Variants in STAMBPL1 observed in about 807,000 individuals in gnomAD.
STAMBPL1 encodes the protein STAM binding protein like 1.
A neutral mutation model predicts 52.9 loss-of-function variants in STAMBPL1; 44 were observed. The observed-to-expected ratio is 0.83, with a 90% confidence interval of 0.65 to 1.07. The LOEUF (loss-of-function observed/expected upper bound fraction) is 1.07. Among genes scored for constraint, STAMBPL1 ranks in the 50% least tolerant of loss-of-function variants. The pLI is 0.00. For synonymous variants in STAMBPL1, 164 were observed against 177.3 expected (o/e 0.92, Z 0.60); for missense variants, 511 against 520.8 (o/e 0.98, Z 0.18).
Position 88,913,091 on chromosome 10 carries a change from C to T in STAMBPL1, c.421-10C>T, listed in dbSNP as rs368939795. ...AACTAACCTTCTCTTCTGGCTGCCA[C>T]ACTTTTTAGAACAAATATAAAGCTG... On this transcript the variant is annotated splice_polypyrimidine_tract_variant and intron_variant, in intron 5 of 10. Coordinates refer to ENST00000371926, the MANE Select transcript of STAMBPL1 (RefSeq NM_020799.4). 4 of 1,562,182 alleles carry T rather than the reference C, an allele frequency of 2.6e-6. No individual in the cohort carries two copies. Among genetic ancestry groups the T allele is most frequent in the African/African-American group, 1.4e-5 (1 of 72,866 alleles).
Position 88,901,807 on chromosome 10 carries a change from T to A in STAMBPL1, c.30+69T>A, listed in dbSNP as rs574823553. On this transcript the variant is annotated intron_variant, in intron 2 of 10. Transcript: ENST00000371926. The stretch of plus-strand genomic sequence containing the variant: ...AAAAAGAAGAACAGAAACATACAAA[T>A]GTGAAATGAGTCACAATTACTTTAA... 4.0e-5 allele frequency: 59 copies of A among 1,461,968 alleles called. No individual in the cohort carries two copies. In the East Asian group the frequency reaches 1.1e-3, roughly 27 times the overall value. The allele number at this position is 1,461,968 out of a possible 1,614,324, so 90.6% of individuals were successfully genotyped here.
At chr10:88,892,322 G>T (rs1027524092) in intron 1 of STAMBPL1, among the ~76,000 whole-genome samples, 2 of 149,836 alleles carry the variant, frequency 1.3e-5, no homozygotes, top group African/African-American at 5.0e-5. Context: ...AATCTGTGGG[G>T]TTTGTGTATG....
At chr10:88,901,628 T>G in intron 1 of STAMBPL1, 28 bp from the exon 2 acceptor site, 1 of 1,489,530 alleles carries the variant, frequency 6.7e-7, no homozygotes, top group South Asian at 1.2e-5. Flanking sequence ...AAAAATAACT[T>G]TAGTTCTGCT....
At chr10:88,889,170 C>T (rs1844616148) in intron 1 of STAMBPL1, among the ~76,000 whole-genome samples, 1 of 152,052 alleles carries the variant, frequency 6.6e-6, no homozygotes, top group East Asian at 1.9e-4. Flanking sequence ...TTTAAGTATT[C>T]CTCTTTTGAT....
intron 2 of STAMBPL1, among the ~76,000 whole-genome samples, chr10:88,902,457 A>C (rs1053666516): frequency 6.6e-6 from 1 of 152,222 alleles, no homozygotes; most frequent in Non-Finnish European, 1.5e-5. Context: ...ACCTTGTAGG[A>C]GTAGCCCCAT....
intron 6 of STAMBPL1, 146 bp downstream of exon 6, chr10:88,913,604 T>G: frequency 1.5e-6 from 1 of 680,546 alleles, no homozygotes; most frequent in South Asian, 2.2e-5. Flanking sequence ...GAATTAACCT[T>G]TCAATACTCT....
intron 2 of STAMBPL1, among the ~76,000 whole-genome samples, chr10:88,903,978 A>T (rs1845011406): frequency 6.6e-6 from 1 of 152,232 alleles, no homozygotes; most frequent in Non-Finnish European, 1.5e-5. Flanking sequence ...AGTAGACCAG[A>T]TGGCATTGGA....
In STAMBPL1 at chr10:88,916,821, C is replaced by A. The variant is rs371219050; in HGVS notation, c.1041+4C>A. On this transcript the variant is annotated splice_donor_region_variant and intron_variant, in intron 8 of 10. Transcript: ENST00000371926. ...CCTCACTCTAGGATGGATCCATGTA[C>A]GTTTGACCTTTTGGGTTTCAGTTTT... 6.4e-7 allele frequency: 1 copy of A among 1,556,108 alleles called. No individual in the cohort carries two copies. The highest frequency in any genetic ancestry group is 1.9e-5 in the Admixed American group (1 of 52,282).
chr10:88,891,871 A>G (rs1014573980), intron 1 of STAMBPL1, among the ~76,000 whole-genome samples: 3 of 152,190 alleles, frequency 2.0e-5, no homozygotes, highest in African/African-American at 4.8e-5. Context: ...TGAATGAATA[A>G]ATAAATTTAT....
chr10:88,923,220 G>A lies in STAMBPL1; in HGVS notation c.1307G>A (p.Arg436Lys). ...KDIKIIVLDL[R>K] ...ATAAAAATAATTGTGTTGGATCTGA[G>A]GTGATATGTTCTGAATGTAAGCACC... The change falls in exon 11 of 11, where the codon AGG (arginine) becomes AAG (lysine). Residue 436 changes from arginine (R) to lysine (K), a missense_variant. Coordinates refer to ENST00000371926, the MANE Select transcript of STAMBPL1 (RefSeq NM_020799.4). The A allele has an allele frequency of 6.2e-7, 1 of 1,605,058 alleles. No individual in the cohort carries two copies.
chr10:88,905,499 A>T lies in STAMBPL1; in HGVS notation c.87A>T (p.Arg29=), dbSNP rs1321398443. 6.2e-7 allele frequency: 1 copy of T among 1,614,144 alleles called. No homozygotes were observed. The highest frequency in any genetic ancestry group is 2.2e-5 in the East Asian group (1 of 44,878). ...ATGTTTCCCTAAGCCCAGAAGAGCG[A>T]GTCCGTGCCCTAAGCAAGCTTGGTT... ...HTDVSLSPEE[R]VRALSKLGCN... Residue 29 remains arginine, a synonymous_variant, in exon 3 of 11, where the codon CGA becomes CGT. Transcript: ENST00000371926.
intron 1 of STAMBPL1, among the ~76,000 whole-genome samples, chr10:88,893,605 G>T: frequency 6.6e-6 from 1 of 152,252 alleles, no homozygotes; most frequent in South Asian, 2.1e-4. Context: ...GCCAGGCATG[G>T]TAGTGCATGC....
chr10:88,913,932 A>G (rs988890291), intron 6 of STAMBPL1, among the ~76,000 whole-genome samples: 2 of 152,164 alleles, frequency 1.3e-5, no homozygotes, highest in Non-Finnish European at 1.5e-5. Context: ...CTCCAAATGG[A>G]CCGTGTGTTT....
rs1589377757 is a variant in STAMBPL1, at chr10:88,916,259, T to C, written c.904-421T>C. Among the ~76,000 whole-genome samples the C allele has an allele frequency of 2.0e-5, 3 of 152,002 alleles. No individual in the cohort carries two copies. In the South Asian group the frequency reaches 6.2e-4, roughly 32 times the overall value. ...CCTTCACAACCCTAAGAAATGCCTT[T>C]TGGTAACACCACAAAATTATTTAAC... is the stretch of plus-strand genomic sequence containing the variant. On this transcript the variant is annotated intron_variant, in intron 7 of 10. Coordinates refer to ENST00000371926, the MANE Select transcript of STAMBPL1 (RefSeq NM_020799.4).
At chr10:88,903,331 T>C (rs1045431798) in intron 2 of STAMBPL1, among the ~76,000 whole-genome samples, 2 of 152,226 alleles carry the variant, frequency 1.3e-5, no homozygotes, top group African/African-American at 4.8e-5. Flanking sequence ...CTCTTGTTGC[T>C]TCCTTCTCTC....
At chr10:88,897,922 T>C (rs1218280719) in intron 1 of STAMBPL1, among the ~76,000 whole-genome samples, 1 of 152,216 alleles carries the variant, frequency 6.6e-6, no homozygotes, top group Non-Finnish European at 1.5e-5. Context: ...CCTCTTACTG[T>C]ACCCTCAGTT....
rs76421777 is a variant in STAMBPL1 at position 88,881,200 on chromosome 10, A to C, written c.-54+562A>C. 2.3e-3 allele frequency among the ~76,000 whole-genome samples: 346 copies of C among 152,298 alleles called. 2 individuals are homozygous for C. The highest frequency in any genetic ancestry group is 6.2e-3 in the East Asian group (32 of 5,186). On this transcript the variant is annotated intron_variant, in intron 1 of 10. Transcript: ENST00000371926. ...CTGAATAACTTAAAGCTTTCGCTGA[A>C]AGCCCCCAGTGAGATGCACAAAGAA... is the stretch of plus-strand genomic sequence containing the variant.
At chr10:88,914,463 G>C (rs906010124) in intron 6 of STAMBPL1, 71 bp from the exon 7 acceptor site, 1 of 1,251,156 alleles carries the variant, frequency 8.0e-7, no homozygotes, top group Non-Finnish European at 1.0e-6. Flanking sequence ...GCAACTGTTT[G>C]CCAATAACAA....
At chr10:88,881,818 A>G (rs1844412845) in intron 1 of STAMBPL1, among the ~76,000 whole-genome samples, 1 of 152,218 alleles carries the variant, frequency 6.6e-6, no homozygotes, top group African/African-American at 2.4e-5. Flanking sequence ...CTTCAAAAAT[A>G]TACTCTGCCA....
Sources: gnomAD v4.1 joint callset for allele counts (sites outside exome capture counted in the v4.1 genomes callset) on GRCh38, gnomAD v4.1.1 for gene constraint, MANE v1.5 for transcripts, NCBI Gene and HGNC (gene_info 2026-07-23, HGNC 2026-07-21) for gene names.